Variants in DHX9 observed in about 807,000 individuals in gnomAD.
DHX9 encodes DExH-box helicase 9.
Under a neutral mutation model 148.7 loss-of-function variants are expected in DHX9, and 27 were observed. The observed-to-expected ratio is 0.18, with a 90% CI of 0.13 to 0.25. DHX9 has a LOEUF of 0.25. Among genes scored for constraint, DHX9 ranks in the 10% least tolerant of loss-of-function variants. The pLI, the probability that DHX9 is intolerant of heterozygous loss-of-function variation, is 1.00. For synonymous variants in DHX9, 529 were observed against 516.6 expected (o/e 1.02, Z -0.33); for missense variants, 796 against 1,559.6 (o/e 0.51, Z 8.25).
chr1:182,855,208 G>T (rs192724050), intron 6 of DHX9, among the ~76,000 whole-genome samples: 2 of 152,312 alleles, frequency 1.3e-5, no homozygotes, highest in East Asian at 1.9e-4. Context: ...ATTTGTTGAT[G>T]ATTTGTTTTC....
rs1198952690 is a variant in DHX9, at chr1:182,867,055, G to C, written c.1557+12G>C. ...AAAGAGATATTAATGTAAGTAACTTGAGAGGTACAGTAAGGTACTTAATTC... is the reference window on the plus strand; with the variant it reads ...AAAGAGATATTAATGTAAGTAACTTCAGAGGTACAGTAAGGTACTTAATTC... On this transcript the variant is annotated intron_variant, in intron 14 of 27. Coordinates refer to ENST00000367549, the MANE Select transcript of DHX9 (RefSeq NM_001357.5). The C allele has an allele frequency of 4.6e-6, 7 of 1,537,040 alleles. No homozygotes were observed. In the South Asian group the frequency reaches 5.9e-5, roughly 13 times the overall value.
intron 14 of DHX9, among the ~76,000 whole-genome samples, chr1:182,871,864 C>G (rs1422568809): frequency 6.6e-6 from 1 of 152,148 alleles, no homozygotes; most frequent in Non-Finnish European, 1.5e-5. Flanking sequence ...ACCAGCCTGG[C>G]CAACATGGCT....
intron 3 of DHX9, among the ~76,000 whole-genome samples, chr1:182,847,644 C>T (rs1243006820): frequency 6.6e-6 from 1 of 152,200 alleles, no homozygotes; most frequent in African/African-American, 2.4e-5. Flanking sequence ...TTTCTAGCAG[C>T]TTTGCTTTCC....
At position 182,842,528 on chromosome 1, in the gene DHX9, G is replaced by T; in HGVS notation, c.-22-17G>T. 1 of 1,503,364 alleles carries T rather than the reference G, an allele frequency of 6.7e-7. No homozygotes were observed. The highest frequency in any genetic ancestry group is 1.2e-5 in the South Asian group (1 of 82,934). 93.1% of individuals were successfully genotyped at this position (1,503,364 alleles called of 1,614,324 possible). The stretch of plus-strand genomic sequence containing the variant: ...GCTATTATAAATGCTGTTTTTAACT[G>T]ACTTTTGTTTTCTTAGATCTGAAGA... On this transcript the variant is annotated splice_polypyrimidine_tract_variant and intron_variant, in intron 1 of 27. Coordinates refer to ENST00000367549, the MANE Select transcript of DHX9 (RefSeq NM_001357.5).
intron 3 of DHX9, 122 bp from the exon 4 acceptor site, chr1:182,852,111 A>G: frequency 3.4e-6 from 2 of 596,192 alleles, no homozygotes; most frequent in Non-Finnish European, 5.9e-6. Context: ...ACCTCTAAAC[A>G]AAGATGGTAA....
At chr1:182,859,163 G>C in intron 11 of DHX9, 46 bp downstream of exon 11, 1 of 1,559,564 alleles carries the variant, frequency 6.4e-7, no homozygotes, top group Non-Finnish European at 8.8e-7. Context: ...GCTTCAGAAT[G>C]TTCTAGGTAT....
chr1:182,856,990 C>T (rs112572603), intron 7 of DHX9, among the ~76,000 whole-genome samples: 5,751 of 152,248 alleles, frequency 0.038, 169 homozygotes, highest in Non-Finnish European at 0.059. Flanking sequence ...GCTGGGACTA[C>T]AGGTGCTGCC....
At chr1:182,880,717 T>A in intron 22 of DHX9, 109 bp downstream of exon 22, 1 of 696,986 alleles carries the variant, frequency 1.4e-6, no homozygotes, top group African/African-American at 1.8e-5. Flanking sequence ...AAATCCTAAA[T>A]GTTCTTCAGG....
chr1:182,861,030 A>G (rs144043847), intron 12 of DHX9, among the ~76,000 whole-genome samples: 4 of 152,370 alleles, frequency 2.6e-5, no homozygotes, highest in East Asian at 1.9e-4. Context: ...GAGAGTTACA[A>G]ACTTTGAAAT....
intron 24 of DHX9, among the ~76,000 whole-genome samples, chr1:182,882,406 T>C (rs968314400): frequency 2.6e-5 from 4 of 152,222 alleles, no homozygotes; most frequent in African/African-American, 7.2e-5. Flanking sequence ...GTACTCAAAG[T>C]GTAGACTGGG....
intron 1 of DHX9, chr1:182,839,841 G>A (rs1160045835): frequency 6.6e-6 from 1 of 152,350 alleles, no homozygotes; most frequent in Non-Finnish European, 1.5e-5. Flanking sequence ...ATTCATTCAA[G>A]CCACGAATAA....
rs1428558233 is a variant in DHX9 at position 182,887,837 on chromosome 1, G to A, written c.*403G>A. 5.4e-6 allele frequency: 1 copy of A among 185,582 alleles called. No homozygotes were observed. Among genetic ancestry groups the A allele is most frequent in the Admixed American group, 5.3e-5 (1 of 18,818 alleles). 11.5% of individuals were successfully genotyped at this position (185,582 alleles called of 1,614,324 possible). On this transcript the variant is annotated 3_prime_UTR_variant, in exon 28 of 28. Coordinates refer to ENST00000367549, the MANE Select transcript of DHX9 (RefSeq NM_001357.5). Reference sequence around the variant, plus strand: ...TCTGTTGATTTTAAATGTCAGAGAAGTTGTACCCTGTTTCAAAAGTATACT... The same window carrying A: ...TCTGTTGATTTTAAATGTCAGAGAAATTGTACCCTGTTTCAAAAGTATACT...
chr1:182,883,425 AG>A, intron 25 of DHX9, 57 bp downstream of exon 25: 1 of 1,583,382 alleles, frequency 6.3e-7, no homozygotes, highest in Non-Finnish European at 8.7e-7. Flanking sequence ...TACAATCATT[AG>A]GAACATGAAT....
chr1:182,860,212 C>T (rs1668335115), intron 12 of DHX9, 28 bp downstream of exon 12: 2 of 1,509,984 alleles, frequency 1.3e-6, no homozygotes, highest in Non-Finnish European at 1.8e-6. Flanking sequence ...CATGAAATAC[C>T]TAGAGAGCAG....
intron 12 of DHX9, among the ~76,000 whole-genome samples, chr1:182,864,310 G>T (rs554700354): frequency 3.9e-5 from 6 of 152,246 alleles, no homozygotes; most frequent in Admixed American, 6.5e-5. Context: ...TCTTGAACTC[G>T]TTGCCTCCAG....
At chr1:182,880,294 T>C (rs1470772711) in intron 21 of DHX9, among the ~76,000 whole-genome samples, 1 of 152,226 alleles carries the variant, frequency 6.6e-6, no homozygotes, top group African/African-American at 2.4e-5. Flanking sequence ...GATTTAGTTG[T>C]AGTACCTTTA....
intron 18 of DHX9, 65 bp downstream of exon 18, chr1:182,876,606 C>T (rs1016316354): frequency 6.9e-7 from 1 of 1,451,168 alleles, no homozygotes; most frequent in African/African-American, 1.4e-5. Flanking sequence ...ATGTTACAGG[C>T]TTTCAAAGAG....
In DHX9 at chr1:182,866,438, T is replaced by A. The variant is rs770613219; in HGVS notation, c.1333-6T>A. The A allele has an allele frequency of 6.2e-6, 10 of 1,613,216 alleles. No homozygotes were observed. In the African/African-American group the frequency reaches 1.3e-4, roughly 22 times the overall value. ...GTTAAGTCACTTTTCTTTTTTTCTG[T>A]CTCAGCCCAGAAGAATCAGTGCGGT... On this transcript the variant is annotated splice_polypyrimidine_tract_variant and splice_region_variant and intron_variant, in intron 12 of 27. Coordinates refer to ENST00000367549, the MANE Select transcript of DHX9 (RefSeq NM_001357.5).
intron 14 of DHX9, among the ~76,000 whole-genome samples, chr1:182,867,885 A>G (rs912103552): frequency 2.0e-5 from 3 of 152,232 alleles, no homozygotes; most frequent in East Asian, 1.9e-4. Context: ...ATATGAAATG[A>G]TATCCAAGCT....
Sources: allele counts gnomAD v4.1 joint callset (sites outside exome capture counted in the v4.1 genomes callset), GRCh38; gene constraint gnomAD v4.1.1; transcripts MANE v1.5; gene names NCBI Gene and HGNC (gene_info 2026-07-23, HGNC 2026-07-21).